The following CWH43 variants were observed in gnomAD, a reference collection of about 807,000 sequenced individuals.
CWH43 encodes the protein cell wall biogenesis 43 C-terminal homolog.
Under a neutral mutation model 85.7 loss-of-function variants are expected in CWH43, and 91 were observed. The ratio of observed to expected loss-of-function variants is 1.06; its 90% confidence interval spans 0.90 to 1.26. The LOEUF (loss-of-function observed/expected upper bound fraction) is 1.26. Ranked by LOEUF, CWH43 falls within the 50% of genes most tolerant of loss-of-function variation. The pLI is 0.00. For missense variants in CWH43, 869 were observed against 839.2 expected, an observed-to-expected ratio of 1.04 and a Z score of -0.44; for synonymous variants, 323 against 293.6, an observed-to-expected ratio of 1.10 and a Z score of -1.02.
intron 12 of CWH43, among the ~76,000 whole-genome samples, chr4:49,034,595 T>C (rs1298580221): frequency 6.6e-6 from 1 of 152,132 alleles, no homozygotes; most frequent in Admixed American, 6.5e-5. Context: ...ATGACAACAA[T>C]AGCAGTAACA....
intron 13 of CWH43, among the ~76,000 whole-genome samples, chr4:49,039,420 T>C (rs950136261): frequency 7.1e-6 from 1 of 140,076 alleles, no homozygotes; most frequent in African/African-American, 2.7e-5. Context: ...TATACTGATA[T>C]ATATATACAC....
chr4:49,006,321 T>C (rs1215422882), intron 7 of CWH43, among the ~76,000 whole-genome samples: 3 of 152,176 alleles, frequency 2.0e-5, no homozygotes, highest in Admixed American at 6.5e-5. Context: ...TACAGCTTCA[T>C]ACAACTAAGA....
intron 14 of CWH43, among the ~76,000 whole-genome samples, chr4:49,048,500 A>T (rs1001154860): frequency 1.3e-5 from 2 of 152,102 alleles, no homozygotes; most frequent in African/African-American, 4.8e-5. Flanking sequence ...AACAACAGAA[A>T]TTAATTTTCT....
At chr4:49,032,460 G>A in intron 11 of CWH43, 106 bp from the exon 12 acceptor site, 1 of 1,248,368 alleles carries the variant, frequency 8.0e-7, no homozygotes, top group Non-Finnish European at 1.2e-6. Flanking sequence ...CCCTTGGTGG[G>A]ATGTGTGCAG....
intron 1 of CWH43, among the ~76,000 whole-genome samples, chr4:48,987,404 G>C (rs1051019853): frequency 2.0e-5 from 3 of 152,172 alleles, no homozygotes; most frequent in African/African-American, 7.2e-5. Context: ...TGGAAAGTCA[G>C]TTGGTAGAAA....
At chr4:49,052,506 A>G (rs1219482402) in intron 15 of CWH43, among the ~76,000 whole-genome samples, 2 of 152,232 alleles carry the variant, frequency 1.3e-5, no homozygotes, top group Admixed American at 6.5e-5. Context: ...GAAGTAAAAT[A>G]GAAGGATTCC....
At chr4:49,061,785 C>T in intron 15 of CWH43, 27 bp from the exon 16 acceptor site, 1 of 1,323,590 alleles carries the variant, frequency 7.6e-7, no homozygotes, top group Non-Finnish European at 1.0e-6. Context: ...ATGCCAATAA[C>T]TTTTTATTTA....
intron 14 of CWH43, among the ~76,000 whole-genome samples, chr4:49,049,376 G>T (rs1290938030): frequency 6.6e-6 from 1 of 152,072 alleles, no homozygotes; most frequent in African/African-American, 2.4e-5. Context: ...TCAGGTCCAA[G>T]CCCCCATCAT....
intron 4 of CWH43, among the ~76,000 whole-genome samples, chr4:48,994,109 A>G (rs1782738987): frequency 6.6e-6 from 1 of 152,126 alleles, no homozygotes; most frequent in African/African-American, 2.4e-5. Flanking sequence ...CCTACCTCAT[A>G]AAGTTGTGAA....
At chr4:49,041,779 C>T (rs1560510809) in intron 13 of CWH43, among the ~76,000 whole-genome samples, 1 of 152,070 alleles carries the variant, frequency 6.6e-6, no homozygotes, top group Admixed American at 6.6e-5. Flanking sequence ...TTCTAGTTAG[C>T]AGGATAGAGG....
In CWH43 at chr4:48,992,394, C is replaced by T. The variant is rs575819864; in HGVS notation, c.511+304C>T. Among the ~76,000 whole-genome samples the T allele has an allele frequency of 4.9e-4, 74 of 152,314 alleles. 1 individual carries two copies. Among genetic ancestry groups the T allele is most frequent in the Admixed American group, 2.7e-3 (41 of 15,294 alleles). The stretch of plus-strand genomic sequence containing the variant: ...AGCTGGCATTCAGCTCTGTCTTCCT[C>T]CTTCTTTCCCCTGGTCAGAGCTCTC... On this transcript the variant is annotated intron_variant, in intron 4 of 15. Coordinates refer to ENST00000226432, the MANE Select transcript of CWH43 (RefSeq NM_025087.3). The surrounding 1 kb of genome is among the most constrained non-coding windows in gnomAD (Gnocchi z 4.3).
intron 8 of CWH43, chr4:49,016,624 G>A (rs1310908040): frequency 1.6e-5 from 12 of 746,482 alleles, no homozygotes; most frequent in Admixed American, 1.2e-4. Context: ...ACAAAAGAGG[G>A]CAGATGACAC....
intron 8 of CWH43, among the ~76,000 whole-genome samples, chr4:49,010,859 G>A (rs959230044): frequency 3.9e-5 from 6 of 152,064 alleles, no homozygotes; most frequent in South Asian, 2.1e-4. Context: ...TATGATTTTG[G>A]TTCTTTTATG....
chr4:49,033,888 T>TA (rs1382989666), intron 12 of CWH43, among the ~76,000 whole-genome samples: 4 of 152,208 alleles, frequency 2.6e-5, no homozygotes, highest in African/African-American at 9.6e-5. Context: ...TAAAGAGACA[T>TA]ACTTTAGGAA....
intron 6 of CWH43, 143 bp from the exon 7 acceptor site, chr4:49,003,592 C>T (rs747041591): frequency 5.2e-6 from 4 of 771,794 alleles, no homozygotes; most frequent in Non-Finnish European, 8.5e-6. Context: ...ATCACATTAA[C>T]CTTGTCAGAT....
intron 11 of CWH43, among the ~76,000 whole-genome samples, chr4:49,031,665 G>A (rs1290737791): frequency 1.3e-5 from 2 of 152,190 alleles, no homozygotes; most frequent in Non-Finnish European, 2.9e-5. Context: ...AAGAGTGGGA[G>A]CCAGGAGGCA....
chr4:49,021,677 A>G (rs549904301), intron 9 of CWH43, among the ~76,000 whole-genome samples: 55 of 152,290 alleles, frequency 3.6e-4, no homozygotes, highest in African/African-American at 1.3e-3. Flanking sequence ...CTACCCATCC[A>G]TGAGCATGGA....
rs768284538 is a variant in CWH43, at chr4:48,998,581, C to T, written c.802+33C>T. ...GAATTTACCTGCAGATAGAACACGA[C>T]TGAGCTTGGTTATCCAGTTTGTTTG... On this transcript the variant is annotated intron_variant, in intron 6 of 15. Transcript: ENST00000226432. 9 of 1,479,860 alleles carry T rather than the reference C, an allele frequency of 6.1e-6. No homozygotes were observed. The South Asian group carries it at 9.0e-5, about 15-fold the overall frequency. The allele number at this position is 1,479,860 out of a possible 1,614,324, so 91.7% of individuals were successfully genotyped here.
At chr4:49,025,441 T>A (rs777400841) in intron 9 of CWH43, among the ~76,000 whole-genome samples, 1 of 152,192 alleles carries the variant, frequency 6.6e-6, no homozygotes, top group Non-Finnish European at 1.5e-5. Flanking sequence ...TTTTGCCATA[T>A]TAATAGAATT....
Sources: allele counts gnomAD v4.1 joint callset (sites outside exome capture counted in the v4.1 genomes callset), GRCh38; gene constraint gnomAD v4.1.1; non-coding constraint Gnocchi (gnomAD v3.1); transcripts MANE v1.5; gene names NCBI Gene and HGNC (gene_info 2026-07-23, HGNC 2026-07-21).